The following LLGL2 variants were observed in gnomAD, a reference collection of about 807,000 sequenced individuals.
The protein encoded by LLGL2 is LLGL scribble cell polarity complex component 2, also known as LLGL2, scribble cell polarity complex component.
In LLGL2, 81 loss-of-function variants were observed where a neutral mutation model predicts 123.2. That is an observed-to-expected ratio of 0.66 (90% CI 0.55 to 0.79). The LOEUF (loss-of-function observed/expected upper bound fraction) is 0.79. Among genes scored for constraint, LLGL2 ranks in the 30% least tolerant of loss-of-function variants. LLGL2 has a pLI of 0.00. For missense variants in LLGL2, 1,273 were observed against 1,414.6 expected, an observed-to-expected ratio of 0.90 and a Z score of 1.61; for synonymous variants, 577 against 594.1, an observed-to-expected ratio of 0.97 and a Z score of 0.42.
chr17:75,558,754 G>C lies in LLGL2; in HGVS notation c.371+127G>C. 1 of 740,066 alleles carries C rather than the reference G, an allele frequency of 1.4e-6. No individual in the cohort carries two copies. Among genetic ancestry groups the C allele is most frequent in the Non-Finnish European group, 2.3e-6 (1 of 438,452 alleles). The allele number at this position is 740,066 out of a possible 1,614,324, so 45.8% of individuals were successfully genotyped here. A position where few individuals can be genotyped will look rare whatever the true frequency, so the allele number is the denominator to read the frequency against. The stretch of plus-strand genomic sequence containing the variant: ...GCAGTGACTGGCATGCGTTTGGCCC[G>C]ATGCATCGCCACACTCAGGTGCTCC... On this transcript the variant is annotated intron_variant, in intron 5 of 25. Coordinates refer to ENST00000392550, the MANE Select transcript of LLGL2 (RefSeq NM_001031803.2). This position sits in a 1 kb window ranked among gnomAD's most constrained non-coding sequence, Gnocchi z 4.0.
chr17:75,525,515 G>T (rs2053524924), upstream of LLGL2, among the ~76,000 whole-genome samples: 1 of 151,398 alleles, frequency 6.6e-6, no homozygotes. This position sits in a 1 kb window ranked among gnomAD's most constrained non-coding sequence, Gnocchi z 4.8. Flanking sequence ...GGAACCCCGA[G>T]GCCGTTCGCG....
At chr17:75,547,619 G>A (rs2054485865) in intron 2 of LLGL2, among the ~76,000 whole-genome samples, 1 of 152,168 alleles carries the variant, frequency 6.6e-6, no homozygotes, top group Non-Finnish European at 1.5e-5. Flanking sequence ...GAGGTCTGAA[G>A]TTAGAGACCA....
At chr17:75,527,555 A>G (rs1256086649) in intron 1 of LLGL2, among the ~76,000 whole-genome samples, 2 of 152,168 alleles carry the variant, frequency 1.3e-5, no homozygotes, top group Non-Finnish European at 2.9e-5. Flanking sequence ...GAAATAAAAT[A>G]GAAAAAAGTA....
In LLGL2 at chr17:75,556,100, C is replaced by T. The variant is rs777624951; in HGVS notation, c.130C>T (p.Leu44=). The T allele has an allele frequency of 1.9e-6, 3 of 1,610,516 alleles. No individual in the cohort carries two copies. The South Asian group carries it at 3.3e-5, about 18-fold the overall frequency. The change falls in exon 3 of 26, where the codon CTG becomes TTG. Residue 44 remains leucine, a synonymous_variant. Coordinates refer to ENST00000392550, the MANE Select transcript of LLGL2 (RefSeq NM_001031803.2). The part of the protein sequence containing the change: ...QPSALGYSPS[L]RILAIGTRSG... ...CAGCGCCCTCGGCTACAGCCCGTCCCTGCGCATCCTGGCCATCGGCACCCG... is the reference window on the plus strand; with the variant it reads ...CAGCGCCCTCGGCTACAGCCCGTCCTTGCGCATCCTGGCCATCGGCACCCG...
chr17:75,558,773 G>C lies in LLGL2; in HGVS notation c.371+146G>C, dbSNP rs1231686711. 3 of 683,328 alleles carry C rather than the reference G, an allele frequency of 4.4e-6. No individual in the cohort carries two copies. Among genetic ancestry groups the C allele is most frequent in the Admixed American group, 2.3e-5 (1 of 43,078 alleles). 42.3% of individuals were successfully genotyped at this position (683,328 alleles called of 1,614,324 possible). ...TGGCCCGATGCATCGCCACACTCAGGTGCTCCGAGTGGAGTGGGCGGGGCT... is the reference window on the plus strand; with the variant it reads ...TGGCCCGATGCATCGCCACACTCAGCTGCTCCGAGTGGAGTGGGCGGGGCT... On this transcript the variant is annotated intron_variant, in intron 5 of 25. Transcript: ENST00000392550. This position sits in a 1 kb window ranked among gnomAD's most constrained non-coding sequence, Gnocchi z 4.0.
intron 2 of LLGL2, among the ~76,000 whole-genome samples, chr17:75,551,857 G>A (rs1393433622): frequency 2.0e-5 from 3 of 152,188 alleles, no homozygotes; most frequent in Non-Finnish European, 2.9e-5. Flanking sequence ...GGCTGGGTGC[G>A]GTGGCTCACG....
At chr17:75,566,733 G>T in intron 10 of LLGL2, among the ~76,000 whole-genome samples, 1 of 152,200 alleles carries the variant, frequency 6.6e-6, no homozygotes, top group South Asian at 2.1e-4. Context: ...GTGAGGGTTT[G>T]CTGGGAGCAC....
chr17:75,535,396 G>A (rs978499707), intron 1 of LLGL2, among the ~76,000 whole-genome samples: 29 of 152,224 alleles, frequency 1.9e-4, no homozygotes, highest in Admixed American at 6.5e-5. Context: ...GGTGCGGCCC[G>A]GGGGCCCTCT....
chr17:75,546,476 G>A (rs954240361), intron 2 of LLGL2, among the ~76,000 whole-genome samples: 2 of 152,290 alleles, frequency 1.3e-5, no homozygotes, highest in East Asian at 1.9e-4. Context: ...TCTGGCTGGC[G>A]GCTGCAGTGT....
At chr17:75,552,229 C>A (rs117314167) in intron 2 of LLGL2, among the ~76,000 whole-genome samples, 1 of 152,002 alleles carries the variant, frequency 6.6e-6, no homozygotes, top group African/African-American at 2.4e-5. Context: ...ACCTGTAATC[C>A]CAGCACTCTG....
Position 75,571,115 on chromosome 17 carries a change from T to A in LLGL2, c.2176+15T>A. The A allele has an allele frequency of 7.3e-7, 1 of 1,371,174 alleles. No individual in the cohort carries two copies. Among genetic ancestry groups the A allele is most frequent in the Non-Finnish European group, 1.0e-6 (1 of 986,248 alleles). The allele number at this position is 1,371,174 out of a possible 1,614,324, so 84.9% of individuals were successfully genotyped here. On this transcript the variant is annotated intron_variant, in intron 17 of 25. Coordinates refer to ENST00000392550, the MANE Select transcript of LLGL2 (RefSeq NM_001031803.2). Reference sequence around the variant, plus strand: ...CCTGAAGGACAGTGAGTGGCCAGCCTGGGGTTGGGGGGCAGGGGGTAGTGG... The same window carrying A: ...CCTGAAGGACAGTGAGTGGCCAGCCAGGGGTTGGGGGGCAGGGGGTAGTGG...
rs756054089 is a variant in LLGL2 at position 75,559,435 on chromosome 17, TA to T, written c.530+27del. ...GGTGAGCCCAGAGCCCAGCTGCTGTTAACTCCATCCCCTCAAGTTAGGCATG... is the reference window on the plus strand; with the variant it reads ...GGTGAGCCCAGAGCCCAGCTGCTGTTACTCCATCCCCTCAAGTTAGGCATG... On this transcript the variant is annotated intron_variant, in intron 6 of 25. Coordinates refer to ENST00000392550, the MANE Select transcript of LLGL2 (RefSeq NM_001031803.2). This position sits in a 1 kb window ranked among gnomAD's most constrained non-coding sequence, Gnocchi z 4.6. The T allele has an allele frequency of 1.3e-6, 2 of 1,578,794 alleles. No individual in the cohort carries two copies. The highest frequency in any genetic ancestry group is 3.6e-5 in the Admixed American group (2 of 55,236).
chr17:75,545,124 C>T lies in LLGL2; in HGVS notation c.75+1623C>T, dbSNP rs182292505. Among the ~76,000 whole-genome samples the T allele has an allele frequency of 1.4e-3, 216 of 152,180 alleles. 1 individual carries two copies. The highest frequency in any genetic ancestry group is 4.9e-3 in the African/African-American group (202 of 41,520). ...GGCTGAACACCCCCCTACCCCTGCC[C>T]CCTTGCACCAAGTTCTGTCTGTGCA... On this transcript the variant is annotated intron_variant, in intron 2 of 25. Transcript: ENST00000392550.
rs768661779 is a variant in LLGL2, at chr17:75,558,232, G to A, written c.251G>A (p.Gly84Asp). ...NAVTQIHLLP[G>D]QCQLVTLLDD... ...GTGACGCAGATCCACCTCCTGCCCGGCCAGGTGAGGGACCTGGGGTGGGAC... is the reference window on the plus strand; with the variant it reads ...GTGACGCAGATCCACCTCCTGCCCGACCAGGTGAGGGACCTGGGGTGGGAC... The change falls in exon 4 of 26, where the codon GGC becomes GAC. Residue 84 changes from glycine to aspartate, a missense_variant. Physicochemically the swap from Gly to Asp is moderately conservative, Grantham distance 94. Transcript: ENST00000392550. This position sits in a 1 kb window ranked among gnomAD's most constrained non-coding sequence, Gnocchi z 4.0. 6.2e-7 allele frequency: 1 copy of A among 1,611,862 alleles called. No individual in the cohort carries two copies.
chr17:75,558,955 ATCCGCACCCCG>A lies in LLGL2; in HGVS notation c.372-296_372-286del, dbSNP rs2055067979. ...CCTCCATCCGCACCCCGCCTCCTCC[ATCCGCACCCCG>A]CCTCCTCCATCCGCACCCCGCCTCC... On this transcript the variant is annotated intron_variant, in intron 5 of 25. Transcript: ENST00000392550. The surrounding 1 kb of genome is among the most constrained non-coding windows in gnomAD (Gnocchi z 4.0). The A allele has an allele frequency of 2.1e-6, 1 of 466,118 alleles. No homozygotes were observed. The highest frequency in any genetic ancestry group is 2.3e-5 in the African/African-American group (1 of 43,628). 28.9% of individuals were successfully genotyped at this position (466,118 alleles called of 1,614,324 possible).
At position 75,574,434 on chromosome 17, in the gene LLGL2, G is replaced by T; in HGVS notation, c.2954-19G>T. On this transcript the variant is annotated intron_variant, in intron 23 of 25. Transcript: ENST00000392550. ...GCCCCAAGGGCCTCAGTGGGCCTCTGTTCCCACCCGGCCTGCAGGAGTCCT... is the reference window on the plus strand; with the variant it reads ...GCCCCAAGGGCCTCAGTGGGCCTCTTTTCCCACCCGGCCTGCAGGAGTCCT... 2.6e-6 allele frequency: 4 copies of T among 1,548,638 alleles called. No homozygotes were observed. The highest frequency in any genetic ancestry group is 3.5e-6 in the Non-Finnish European group (4 of 1,147,266).
upstream of LLGL2, chr17:75,525,303 TCTGGCAGAGGAG>T (rs1186736257): frequency 1.3e-5 from 2 of 151,554 alleles, no homozygotes; most frequent in Non-Finnish European, 2.9e-5. The surrounding 1 kb of genome is among the most constrained non-coding windows in gnomAD (Gnocchi z 4.8). Flanking sequence ...TGGGCTGGGC[TCTGGCAGAGGAG>T]CTGGCCCGGA....
intron 10 of LLGL2, chr17:75,567,951 A>T: frequency 3.7e-6 from 1 of 266,828 alleles, no homozygotes; most frequent in Non-Finnish European, 5.2e-6. Context: ...TCGAGAAAAG[A>T]AAAAAAAAAA....
rs377453029 is a variant in LLGL2 at position 75,568,572 on chromosome 17, A to C, written c.1133A>C (p.Tyr378Ser). The change falls in exon 11 of 26, where the codon TAC (tyrosine) becomes TCC (serine). Residue 378 changes from tyrosine to serine, a missense_variant. Tyr to Ser is a moderately radical substitution (Grantham distance 144). Coordinates refer to ENST00000392550, the MANE Select transcript of LLGL2 (RefSeq NM_001031803.2). ...GGCTGGCCACCGGTCCAGCTGCCCTACCTGGCTTCTCTGCACTGTTCCGCC... is the reference window on the plus strand; with the variant it reads ...GGCTGGCCACCGGTCCAGCTGCCCTCCCTGGCTTCTCTGCACTGTTCCGCC... ...TAGWPPVQLP[Y>S]LASLHCSAIT... 6.2e-7 allele frequency: 1 copy of C among 1,613,864 alleles called. No individual in the cohort carries two copies. Among genetic ancestry groups the C allele is most frequent in the Non-Finnish European group, 8.5e-7 (1 of 1,180,018 alleles).
Sources: gnomAD v4.1 joint callset for allele counts (sites outside exome capture counted in the v4.1 genomes callset) on GRCh38, gnomAD v4.1.1 for gene constraint, Gnocchi (gnomAD v3.1) non-coding constraint, MANE v1.5 for transcripts, NCBI Gene and HGNC (gene_info 2026-07-23, HGNC 2026-07-21) for gene names.